Variants in PTPRN2 observed in about 807,000 individuals in gnomAD.
PTPRN2 encodes protein tyrosine phosphatase receptor type N2, also known as receptor-type tyrosine-protein phosphatase N2.
In PTPRN2, 74 loss-of-function variants were observed where a neutral mutation model predicts 118.8. That is an observed-to-expected ratio of 0.62 (90% CI 0.52 to 0.76). The LOEUF is 0.76. Ranked by LOEUF, PTPRN2 falls within the 30% of genes least tolerant of loss-of-function variation. PTPRN2 has a pLI of 0.00. For missense variants in PTPRN2, 1,481 were observed against 1,394.4 expected (o/e 1.06, Z -0.99); for synonymous variants, 641 against 608.0 (o/e 1.05, Z -0.80).
At position 158,075,936 on chromosome 7, in the gene PTPRN2, C is replaced by T. The variant is rs967088466; in HGVS notation, c.1723+5362G>A. Among the ~76,000 whole-genome samples the T allele has an allele frequency of 4.1e-4, 63 of 152,190 alleles. 1 individual carries two copies. Among genetic ancestry groups the T allele is most frequent in the Non-Finnish European group, 1.0e-4 (7 of 68,042 alleles). ...GCAGCGGAACCTGGAGCCGGGCTGC[C>T]CAGGCCACACCTCCAGTCTCACTGC... On this transcript the variant is annotated intron_variant, in intron 11 of 22. Transcript: ENST00000389418.
Position 157,715,922 on chromosome 7 carries a change from G to A in PTPRN2, c.1789-32985C>T, listed in dbSNP as rs7794200. Among the ~76,000 whole-genome samples the A allele has an allele frequency of 0.013, 1,970 of 152,338 alleles. 116 individuals carry two copies. The South Asian group carries it at 0.16, about 13-fold the overall frequency. On this transcript the variant is annotated intron_variant, in intron 12 of 22. Coordinates refer to ENST00000389418, the MANE Select transcript of PTPRN2 (RefSeq NM_002847.5). ...GATGGCAAGGAGCAGGGCAGCGGGC[G>A]GCCTGGAGGTACAGCTACACCAGCT... is the stretch of plus-strand genomic sequence containing the variant.
intron 11 of PTPRN2, among the ~76,000 whole-genome samples, chr7:157,922,561 C>G (rs1798744745): frequency 6.8e-6 from 1 of 147,858 alleles, no homozygotes; most frequent in East Asian, 2.0e-4. Flanking sequence ...CTGATTTAAA[C>G]AAGATAAATG....
intron 2 of PTPRN2, among the ~76,000 whole-genome samples, chr7:158,330,070 A>C (rs1165302898): frequency 3.0e-4 from 45 of 148,982 alleles, no homozygotes; most frequent in African/African-American, 1.0e-3. Context: ...CACTCTCACC[A>C]TAAGAGCTGA....
chr7:158,313,222 C>A (rs1481821186), intron 3 of PTPRN2, among the ~76,000 whole-genome samples: 1 of 152,156 alleles, frequency 6.6e-6, no homozygotes, highest in Non-Finnish European at 1.5e-5. Context: ...CTAGACACAC[C>A]AATGGCCCTG....
Position 157,763,748 on chromosome 7 carries a change from G to A in PTPRN2, c.1789-80811C>T, listed in dbSNP as rs1802284588. Among the ~76,000 whole-genome samples the A allele has an allele frequency of 6.6e-6, 1 of 152,008 alleles. No individual in the cohort carries two copies. Among genetic ancestry groups the A allele is most frequent in the Non-Finnish European group, 1.5e-5 (1 of 68,010 alleles). ...CTTCGCAGTGCAGTCACTTGCTGGA[G>A]TCTCCTGAGGGCAGGAGAGCCCCGG... On this transcript the variant is annotated intron_variant, in intron 12 of 22. Coordinates refer to ENST00000389418, the MANE Select transcript of PTPRN2 (RefSeq NM_002847.5). This position sits in a 1 kb window ranked among gnomAD's most constrained non-coding sequence, Gnocchi z 4.9.
intron 2 of PTPRN2, among the ~76,000 whole-genome samples, chr7:158,441,371 TGGC>T: frequency 6.7e-6 from 1 of 148,286 alleles, no homozygotes; most frequent in East Asian, 2.0e-4. Context: ...ATGGCAGTGG[TGGC>T]AGTGGTGGTG....
At chr7:158,359,264 T>G (rs1370587491) in intron 2 of PTPRN2, among the ~76,000 whole-genome samples, 1 of 152,242 alleles carries the variant, frequency 6.6e-6, no homozygotes, top group African/African-American at 2.4e-5. Flanking sequence ...ACGTTGAAAA[T>G]GTCTTGGCTT....
chr7:158,380,630 G>A (rs1480035460), intron 2 of PTPRN2, among the ~76,000 whole-genome samples: 1 of 152,194 alleles, frequency 6.6e-6, no homozygotes, highest in Non-Finnish European at 1.5e-5. Flanking sequence ...GCCAGTTGTT[G>A]GTAGATCTAC....
At chr7:157,769,127 G>C (rs1013250949) in intron 12 of PTPRN2, among the ~76,000 whole-genome samples, 1 of 152,130 alleles carries the variant, frequency 6.6e-6, no homozygotes, top group African/African-American at 2.4e-5. Flanking sequence ...TCATGACAAC[G>C]CCTCCACCGC....
chr7:158,330,010 C>A (rs1269762063), intron 2 of PTPRN2, among the ~76,000 whole-genome samples: 1 of 151,106 alleles, frequency 6.6e-6, no homozygotes, highest in East Asian at 1.9e-4. Context: ...GACACTCACA[C>A]CCACACTCTC....
At chr7:158,341,789 C>G (rs1170856683) in intron 2 of PTPRN2, among the ~76,000 whole-genome samples, 7 of 139,920 alleles carry the variant, frequency 5.0e-5, no homozygotes, top group East Asian at 2.2e-4. Flanking sequence ...AGACGTCACT[C>G]ACACCCACAC....
chr7:157,844,848 C>T (rs1242089640), intron 12 of PTPRN2, among the ~76,000 whole-genome samples: 3 of 152,182 alleles, frequency 2.0e-5, no homozygotes, highest in South Asian at 2.1e-4. Flanking sequence ...TTCTGTCTAC[C>T]GCAGAGTCCT....
chr7:158,083,932 T>G (rs904857004), intron 10 of PTPRN2, among the ~76,000 whole-genome samples: 36 of 11,808 alleles, frequency 3.0e-3, no homozygotes, highest in South Asian at 0.022. Context: ...CTAACTTGAA[T>G]ATGTGCAGGC....
At position 157,936,517 on chromosome 7, in the gene PTPRN2, G is replaced by A. The variant is rs188446776; in HGVS notation, c.1724-37780C>T. ...TCCCACCACCTCTCCCTGTTCTCCC[G>A]AGCACCACTCAATCTCACTTCTAGT... is the stretch of plus-strand genomic sequence containing the variant. On this transcript the variant is annotated intron_variant, in intron 11 of 22. Coordinates refer to ENST00000389418, the MANE Select transcript of PTPRN2 (RefSeq NM_002847.5). Among the ~76,000 whole-genome samples the A allele has an allele frequency of 2.6e-5, 4 of 151,924 alleles. No individual in the cohort carries two copies. The East Asian group carries it at 7.8e-4, about 29-fold the overall frequency.
intron 3 of PTPRN2, among the ~76,000 whole-genome samples, chr7:158,270,245 C>A (rs146057392): frequency 6.6e-6 from 1 of 152,230 alleles, no homozygotes; most frequent in Non-Finnish European, 1.5e-5. Context: ...AAGGCTCCAC[C>A]GGCCAAGGGC....
In PTPRN2 at chr7:157,929,531, C is replaced by A. The variant is rs1310710731; in HGVS notation, c.1724-30794G>T. ...GCCTGGCAGCCCAACAGAGGCTGGT[C>A]ATAGTTTTTGCCCTGGAATTCCCCT... On this transcript the variant is annotated intron_variant, in intron 11 of 22. Transcript: ENST00000389418. The surrounding 1 kb of genome is among the most constrained non-coding windows in gnomAD (Gnocchi z 4.4). Among the ~76,000 whole-genome samples, 1 of 152,116 alleles carries A rather than the reference C, an allele frequency of 6.6e-6. No individual in the cohort carries two copies.
chr7:157,645,355 C>T (rs1277594498), intron 14 of PTPRN2, among the ~76,000 whole-genome samples: 3 of 152,204 alleles, frequency 2.0e-5, no homozygotes, highest in South Asian at 2.1e-4. Flanking sequence ...TTCAAAGGTT[C>T]GCTGATACCT....
intron 19 of PTPRN2, 114 bp downstream of exon 19, chr7:157,576,499 C>G: frequency 1.8e-6 from 2 of 1,140,214 alleles, no homozygotes; most frequent in South Asian, 3.4e-5. Context: ...CCCCCTGCGG[C>G]GCCGACACAG....
At chr7:158,212,943 C>A (rs545544424) in intron 3 of PTPRN2, among the ~76,000 whole-genome samples, 31 of 152,166 alleles carry the variant, frequency 2.0e-4, no homozygotes, top group Admixed American at 4.6e-4. Flanking sequence ...GTTATGAAGG[C>A]AAAATCCATG....
Sources: gnomAD v4.1 joint callset for allele counts (sites outside exome capture counted in the v4.1 genomes callset) on GRCh38, gnomAD v4.1.1 for gene constraint, Gnocchi (gnomAD v3.1) non-coding constraint, MANE v1.5 for transcripts, NCBI Gene and HGNC (gene_info 2026-07-23, HGNC 2026-07-21) for gene names.